Variants in GRAMD1B observed in about 807,000 individuals in gnomAD.
GRAMD1B encodes GRAM domain containing 1B.
GRAMD1B carries 37 observed loss-of-function variants against 99.7 expected under a neutral mutation model. That is an observed-to-expected ratio of 0.37 (90% CI 0.29 to 0.49). The LOEUF (loss-of-function observed/expected upper bound fraction) is 0.49. GRAMD1B is among the 20% of genes least tolerant of loss of function. The pLI, the probability that GRAMD1B is intolerant of heterozygous loss-of-function variation, is 0.98. For synonymous variants in GRAMD1B, 427 were observed against 387.6 expected (o/e 1.10, Z -1.19); for missense variants, 888 against 1,009.2 (o/e 0.88, Z 1.63).
intron 2 of GRAMD1B, among the ~76,000 whole-genome samples, chr11:123,548,325 T>TACACACACACACACACAC (rs138083511): frequency 2.0e-3 from 172 of 86,780 alleles, no homozygotes; most frequent in Middle Eastern, 6.8e-3. Context: ...TATATATATA[T>TACACACACACACACACAC]ACACACACAC....
chr11:123,477,393 G>A (rs903775773), intron 1 of GRAMD1B, among the ~76,000 whole-genome samples: 10 of 148,298 alleles, frequency 6.7e-5, no homozygotes, highest in South Asian at 2.2e-4. Context: ...AAATGGAAAC[G>A]GTAAGTGGTA....
intron 1 of GRAMD1B, among the ~76,000 whole-genome samples, chr11:123,452,811 C>T (rs1456432741): frequency 1.3e-5 from 2 of 152,188 alleles, no homozygotes; most frequent in East Asian, 3.9e-4. Context: ...CCTTTTGCTT[C>T]TCTTCTAACC....
intron 3 of GRAMD1B, among the ~76,000 whole-genome samples, chr11:123,581,795 C>G (rs1400225274): frequency 6.6e-6 from 1 of 152,246 alleles, no homozygotes; most frequent in Non-Finnish European, 1.5e-5. Context: ...GGACTGGCTT[C>G]CCTGCCTGAG....
intron 1 of GRAMD1B, among the ~76,000 whole-genome samples, chr11:123,417,313 C>A (rs991814256): frequency 6.6e-6 from 1 of 152,198 alleles, no homozygotes; most frequent in African/African-American, 2.4e-5. Context: ...GCAGAGGTTG[C>A]GGTGAGCTGA....
chr11:123,420,332 ACTT>A (rs970433557), intron 1 of GRAMD1B, among the ~76,000 whole-genome samples: 7 of 152,198 alleles, frequency 4.6e-5, no homozygotes, highest in Non-Finnish European at 1.0e-4. Context: ...CTACAGGTAG[ACTT>A]CTTAACAGGT....
chr11:123,363,915 C>A (rs568194832), intron 1 of GRAMD1B, among the ~76,000 whole-genome samples: 1 of 152,076 alleles, frequency 6.6e-6, no homozygotes, highest in African/African-American at 2.4e-5. Context: ...AATGCATGCC[C>A]GTTTGCACAT....
At chr11:123,595,697 TAGAA>T (rs1259787445) in intron 6 of GRAMD1B, among the ~76,000 whole-genome samples, 6 of 152,146 alleles carry the variant, frequency 3.9e-5, no homozygotes, top group African/African-American at 1.4e-4. Flanking sequence ...GTATAGAAAT[TAGAA>T]AGCTCTTTGC....
intron 7 of GRAMD1B, among the ~76,000 whole-genome samples, chr11:123,597,106 G>A (rs1307530532): frequency 6.6e-6 from 1 of 151,106 alleles, no homozygotes; most frequent in African/African-American, 2.4e-5. Context: ...TGGGCTGCAG[G>A]CCAATTCCAA....
At chr11:123,508,068 A>G (rs190259527) in intron 2 of GRAMD1B, among the ~76,000 whole-genome samples, 8 of 152,288 alleles carry the variant, frequency 5.3e-5, no homozygotes, top group Admixed American at 4.6e-4. Flanking sequence ...CTCAGTATCC[A>G]TGGAGGGTAA....
At chr11:123,500,820 C>T (rs913399184) in intron 2 of GRAMD1B, among the ~76,000 whole-genome samples, 1 of 152,012 alleles carries the variant, frequency 6.6e-6, no homozygotes, top group Admixed American at 6.6e-5. Context: ...ATTACAGGCA[C>T]ACACCACCAC....
intron 1 of GRAMD1B, among the ~76,000 whole-genome samples, chr11:123,480,039 T>C (rs1354678185): frequency 1.3e-5 from 2 of 152,178 alleles, no homozygotes; most frequent in Non-Finnish European, 2.9e-5. Context: ...GATTTGTTCA[T>C]CAGCTATGCC....
intron 10 of GRAMD1B, among the ~76,000 whole-genome samples, chr11:123,605,714 A>G (rs1447272274): frequency 2.0e-5 from 3 of 152,230 alleles, no homozygotes; most frequent in Non-Finnish European, 4.4e-5. Flanking sequence ...ACTTCTGAGC[A>G]GATGAAAACC....
In GRAMD1B at chr11:123,455,262, G is replaced by C. The variant is rs1337166194; in HGVS notation, c.374+24096G>C. Among the ~76,000 whole-genome samples the C allele has an allele frequency of 2.0e-5, 3 of 152,100 alleles. No homozygotes were observed. The East Asian group carries it at 5.8e-4, about 29-fold the overall frequency. Reference sequence around the variant, plus strand: ...CTTAGGATGAACTAAAATCAAAACAGATTTCACTAGAATTTATTTTTATTT... The same window carrying C: ...CTTAGGATGAACTAAAATCAAAACACATTTCACTAGAATTTATTTTTATTT... On this transcript the variant is annotated intron_variant, in intron 1 of 19. Coordinates refer to ENST00000635736, the MANE Select transcript of GRAMD1B (RefSeq NM_001387025.1).
chr11:123,445,246 G>T (rs980818918), intron 1 of GRAMD1B, among the ~76,000 whole-genome samples: 1 of 152,190 alleles, frequency 6.6e-6, no homozygotes, highest in African/African-American at 2.4e-5. Context: ...TCTTTTGCCC[G>T]CAGGAATGTC....
At chr11:123,390,185 A>G (rs1276363142) in intron 1 of GRAMD1B, among the ~76,000 whole-genome samples, 1 of 151,882 alleles carries the variant, frequency 6.6e-6, no homozygotes, top group Non-Finnish European at 1.5e-5. Context: ...AAAGAACCTC[A>G]AAAGTCACCT....
At chr11:123,388,312 G>A (rs1006695475) in intron 1 of GRAMD1B, among the ~76,000 whole-genome samples, 40 of 152,060 alleles carry the variant, frequency 2.6e-4, no homozygotes, top group African/African-American at 9.4e-4. Context: ...TTAAGAGGTG[G>A]GGCCTTTCAA....
chr11:123,566,792 G>T (rs1383833855), intron 2 of GRAMD1B, among the ~76,000 whole-genome samples: 1 of 151,666 alleles, frequency 6.6e-6, no homozygotes. Context: ...AAGGAAAGAA[G>T]ATCCCACTTT....
At chr11:123,613,952 TC>T (rs1167110050) in intron 16 of GRAMD1B, among the ~76,000 whole-genome samples, 2 of 152,082 alleles carry the variant, frequency 1.3e-5, no homozygotes, top group Admixed American at 1.3e-4. Flanking sequence ...GTATGAAGCT[TC>T]CAAGTTCTTG....
intron 2 of GRAMD1B, among the ~76,000 whole-genome samples, chr11:123,564,852 A>G (rs1408706269): frequency 6.6e-6 from 1 of 152,212 alleles, no homozygotes; most frequent in East Asian, 1.9e-4. Flanking sequence ...TTTGCCTCCC[A>G]GTGGATTGGA....
Sources: gnomAD v4.1 joint callset for allele counts (sites outside exome capture counted in the v4.1 genomes callset) on GRCh38, gnomAD v4.1.1 for gene constraint, MANE v1.5 for transcripts, NCBI Gene and HGNC (gene_info 2026-07-23, HGNC 2026-07-21) for gene names.